Variants in RBFOX1 observed in about 807,000 individuals in gnomAD.
RBFOX1 encodes RNA binding protein fox-1 homolog 1.
Under a neutral mutation model 57.7 loss-of-function variants are expected in RBFOX1, and 8 were observed. The observed-to-expected ratio is 0.14, with a 90% CI of 0.08 to 0.25. The LOEUF is 0.25. Among genes scored for constraint, RBFOX1 ranks in the 10% least tolerant of loss-of-function variants. RBFOX1 has a pLI of 1.00. For missense variants in RBFOX1, 611 were observed against 548.5 expected (o/e 1.11, Z -1.14); for synonymous variants, 326 against 222.4 (o/e 1.47, Z -4.15).
intron 1 of RBFOX1, among the ~76,000 whole-genome samples, chr16:5,463,687 C>A (rs563496376): frequency 6.6e-6 from 1 of 151,672 alleles, no homozygotes; most frequent in South Asian, 2.1e-4. Context: ...GTAATCCCAG[C>A]TACTCGGGAG....
chr16:6,115,236 T>G (rs2096485901), intron 1 of RBFOX1, among the ~76,000 whole-genome samples: 1 of 152,182 alleles, frequency 6.6e-6, no homozygotes, highest in African/African-American at 2.4e-5. Flanking sequence ...CCTACCTAAC[T>G]AGGATTCTTG....
chr16:6,776,869 T>C (rs544999353), intron 3 of RBFOX1, among the ~76,000 whole-genome samples: 31 of 152,342 alleles, frequency 2.0e-4, no homozygotes, highest in African/African-American at 7.2e-4. Flanking sequence ...GAAATGAACA[T>C]GGCATGTGGC....
chr16:7,710,223 C>G lies in RBFOX1; in HGVS notation c.1072-400C>G, dbSNP rs2083766504. The G allele has an allele frequency of 7.6e-6, 8 of 1,047,336 alleles. No individual in the cohort carries two copies. In the African/African-American group the frequency reaches 8.6e-5, roughly 11 times the overall value. 64.9% of individuals were successfully genotyped at this position (1,047,336 alleles called of 1,614,324 possible). ...GAGATTTTCATCCCAATTCTGCATT[C>G]AACAACTCTGCTTCAACACCTAGTC... On this transcript the variant is annotated intron_variant, in intron 15 of 15. Coordinates refer to ENST00000550418, the MANE Select transcript of RBFOX1 (RefSeq NM_018723.4).
intron 3 of RBFOX1, among the ~76,000 whole-genome samples, chr16:6,972,236 C>T (rs749068170): frequency 6.6e-6 from 1 of 152,088 alleles, no homozygotes; most frequent in Non-Finnish European, 1.5e-5. Context: ...TATCTATTAA[C>T]TCTGTAACTC....
intron 4 of RBFOX1, among the ~76,000 whole-genome samples, chr16:7,153,099 A>C (rs966010914): frequency 6.6e-6 from 1 of 152,158 alleles, no homozygotes; most frequent in African/African-American, 2.4e-5. Flanking sequence ...CTTGTCTCTT[A>C]ATGTTATAAT....
chr16:5,859,019 GCATGGTGAAACCCCATCTC>G (rs1294793938), intron 3 of RBFOX1, among the ~76,000 whole-genome samples: 2 of 152,132 alleles, frequency 1.3e-5, no homozygotes, highest in African/African-American at 4.8e-5. Context: ...GTTCAAGCCT[GCATGGTGAAACCCCATCTC>G]TACTAAAAAT....
chr16:5,500,905 A>G (rs1767096373), intron 2 of RBFOX1, among the ~76,000 whole-genome samples: 1 of 152,206 alleles, frequency 6.6e-6, no homozygotes, highest in African/African-American at 2.4e-5. Context: ...GAGAGATGTC[A>G]TGTAAGGACA....
intron 3 of RBFOX1, among the ~76,000 whole-genome samples, chr16:5,815,318 C>T (rs1157880776): frequency 6.6e-6 from 1 of 151,938 alleles, no homozygotes; most frequent in Non-Finnish European, 1.5e-5. Context: ...ATGTCTTGAT[C>T]ACATGTGGGT....
intron 2 of RBFOX1, among the ~76,000 whole-genome samples, chr16:6,596,952 C>G (rs1280831688): frequency 2.6e-5 from 4 of 152,182 alleles, no homozygotes; most frequent in Non-Finnish European, 5.9e-5. Flanking sequence ...CCCCTGGTTT[C>G]TGCCACTAGC....
rs370684867 is a variant in RBFOX1 at position 6,035,028 on chromosome 16, G to A, written c.-127+15036G>A. ...ACCCGATTGTGCTGTTGACCTTTTGGATTGCATAATTATCTGTTGTGCAGG... is the reference window on the plus strand; with the variant it reads ...ACCCGATTGTGCTGTTGACCTTTTGAATTGCATAATTATCTGTTGTGCAGG... On this transcript the variant is annotated intron_variant, in intron 1 of 15. Transcript: ENST00000550418. Among the ~76,000 whole-genome samples the A allele has an allele frequency of 3.5e-4, 49 of 139,368 alleles. No homozygotes were observed. The East Asian group carries it at 9.3e-3, about 27-fold the overall frequency. 91.4% of individuals were successfully genotyped at this position (139,368 alleles called of 152,430 possible). A position where few individuals can be genotyped will look rare whatever the true frequency, so the allele number is the denominator to read the frequency against.
chr16:5,547,063 T>C (rs1741185954), intron 2 of RBFOX1, among the ~76,000 whole-genome samples: 1 of 152,156 alleles, frequency 6.6e-6, no homozygotes, highest in African/African-American at 2.4e-5. Context: ...CCATTATACA[T>C]CTTCTAGGAT....
chr16:6,667,482 A>C (rs567713419), intron 3 of RBFOX1, among the ~76,000 whole-genome samples: 1 of 152,062 alleles, frequency 6.6e-6, no homozygotes, highest in Non-Finnish European at 1.5e-5. Context: ...GCTCTTATAT[A>C]AAAGGGAGAG....
At chr16:6,735,817 G>A (rs2070086802) in intron 3 of RBFOX1, among the ~76,000 whole-genome samples, 1 of 152,178 alleles carries the variant, frequency 6.6e-6, no homozygotes, top group Non-Finnish European at 1.5e-5. Context: ...CAGACATGAG[G>A]AAATGAATCC....
At chr16:5,660,764 C>G (rs1184280856) in intron 3 of RBFOX1, among the ~76,000 whole-genome samples, 1 of 152,068 alleles carries the variant, frequency 6.6e-6, no homozygotes, top group Non-Finnish European at 1.5e-5. Context: ...AAGATGCCTG[C>G]TATGCCGGAG....
intron 4 of RBFOX1, among the ~76,000 whole-genome samples, chr16:6,010,226 A>C (rs1369682856): frequency 6.6e-6 from 1 of 152,036 alleles, no homozygotes; most frequent in Non-Finnish European, 1.5e-5. Flanking sequence ...AATTCTGCTC[A>C]ACCCATGTCC....
intron 4 of RBFOX1, among the ~76,000 whole-genome samples, chr16:7,405,828 A>C (rs921070402): frequency 1.3e-5 from 2 of 152,102 alleles, no homozygotes; most frequent in Admixed American, 1.3e-4. Flanking sequence ...CCACTCTTCC[A>C]TACCTGGAGC....
chr16:6,301,613 G>A (rs1229336344), intron 1 of RBFOX1, among the ~76,000 whole-genome samples: 1 of 152,120 alleles, frequency 6.6e-6, no homozygotes, highest in African/African-American at 2.4e-5. Context: ...CTGAGGAGGT[G>A]TGTGGGAAAT....
intron 3 of RBFOX1, among the ~76,000 whole-genome samples, chr16:6,830,155 G>A (rs1331758186): frequency 6.6e-6 from 1 of 152,044 alleles, no homozygotes; most frequent in Non-Finnish European, 1.5e-5. Context: ...GACCTCAGGT[G>A]ATCTGCCCAC....
chr16:5,812,855 A>C (rs191900332), intron 3 of RBFOX1, among the ~76,000 whole-genome samples: 1 of 152,206 alleles, frequency 6.6e-6, no homozygotes, highest in African/African-American at 2.4e-5. Flanking sequence ...AATGATGTTG[A>C]GTATCTTTCA....
Sources: allele counts gnomAD v4.1 joint callset (sites outside exome capture counted in the v4.1 genomes callset), GRCh38; gene constraint gnomAD v4.1.1; transcripts MANE v1.5; gene names NCBI Gene and HGNC (gene_info 2026-07-23, HGNC 2026-07-21).